The following TRIML2 variants were observed in gnomAD, a reference collection of about 807,000 sequenced individuals.
TRIML2 encodes tripartite motif family like 2, also known as probable E3 ubiquitin-protein ligase TRIML2.
A neutral mutation model predicts 31.2 loss-of-function variants in TRIML2; 28 were observed. That is an observed-to-expected ratio of 0.90 (90% CI 0.66 to 1.23). The LOEUF is 1.23. Ranked by LOEUF, TRIML2 falls within the 50% of genes most tolerant of loss-of-function variation. TRIML2 has a pLI of 0.00. For missense variants in TRIML2, 536 were observed against 528.3 expected (o/e 1.01, Z -0.14); for synonymous variants, 187 against 197.5 (o/e 0.95, Z 0.45).
rs541335376 is a variant in TRIML2 at position 188,098,876 on chromosome 4, C to G, written c.621+159G>C. 1.4e-5 allele frequency: 11 copies of G among 788,344 alleles called. No homozygotes were observed. The African/African-American group carries it at 1.6e-4, about 11-fold the overall frequency. The allele number at this position is 788,344 out of a possible 1,614,324, so 48.8% of individuals were successfully genotyped here. On this transcript the variant is annotated intron_variant, in intron 5 of 7. Coordinates refer to ENST00000682553, the MANE Select transcript of TRIML2 (RefSeq NM_173553.4). ...ACTATCCCACAAAGCTATGACCATT[C>G]CTAAAGCTTTTGGCAGCTGAAAGAA...
chr4:188,109,153 C>G (rs1734144735), intron 1 of TRIML2, 90 bp downstream of exon 1: 1 of 111,888 alleles, frequency 8.9e-6, no homozygotes, highest in Non-Finnish European at 2.2e-5. Context: ...CACACAGATA[C>G]ACACACACAC....
At chr4:188,104,763 T>C in intron 3 of TRIML2, 74 bp downstream of exon 3, 1 of 1,216,284 alleles carries the variant, frequency 8.2e-7, no homozygotes, top group Non-Finnish European at 1.2e-6. Flanking sequence ...CTTTTGACTT[T>C]GTTTATGATA....
chr4:188,099,588 C>CA (rs200928701), intron 4 of TRIML2, among the ~76,000 whole-genome samples: 12,072 of 139,226 alleles, frequency 0.087, 1,010 homozygotes, highest in East Asian at 0.51. Flanking sequence ...AAACCAAAAC[C>CA]AAAAAAAAAA....
At chr4:188,107,486 C>T (rs996719608) in intron 1 of TRIML2, among the ~76,000 whole-genome samples, 1 of 152,110 alleles carries the variant, frequency 6.6e-6, no homozygotes, top group African/African-American at 2.4e-5. Context: ...GCATATTCCC[C>T]ACAAATAGGA....
rs112058466 is a variant in TRIML2, at chr4:188,105,377, G to T, written c.-9C>A. 4,462 of 1,557,686 alleles carry T rather than the reference G, an allele frequency of 2.9e-3. 114 individuals carry two copies. The African/African-American group carries it at 0.053, about 18-fold the overall frequency. On this transcript the variant is annotated 5_prime_UTR_variant, in exon 2 of 8. Coordinates refer to ENST00000682553, the MANE Select transcript of TRIML2 (RefSeq NM_173553.4). Reference sequence around the variant, plus strand: ...CTGAGCCTTTTGGACATCCTGGTAGGGGTCCCTAGTTGAAGACTGGACTGT... The same window carrying T: ...CTGAGCCTTTTGGACATCCTGGTAGTGGTCCCTAGTTGAAGACTGGACTGT...
intron 3 of TRIML2, among the ~76,000 whole-genome samples, chr4:188,101,998 C>T (rs1352144614): frequency 6.6e-6 from 1 of 150,556 alleles, no homozygotes; most frequent in East Asian, 2.0e-4. Context: ...GGCTTGGTGG[C>T]GGGCGCCTGT....
chr4:188,095,838 A>C (rs1483983100), intron 7 of TRIML2, among the ~76,000 whole-genome samples: 1 of 152,232 alleles, frequency 6.6e-6, no homozygotes, highest in Non-Finnish European at 1.5e-5. Flanking sequence ...GTATATTTAT[A>C]CAATGGAATA....
intron 1 of TRIML2, chr4:188,106,550 T>A (rs552231065): frequency 9.1e-5 from 14 of 153,536 alleles, no homozygotes; most frequent in African/African-American, 3.1e-4. Flanking sequence ...CGCGGTTCAG[T>A]CACCAACATG....
chr4:188,106,797 G>A (rs1435700164), intron 1 of TRIML2: 1 of 240,092 alleles, frequency 4.2e-6, no homozygotes, highest in Admixed American at 4.3e-5. Context: ...GAAAGTGACA[G>A]GTCAGACTCT....
At chr4:188,092,560 C>T (rs1579165349) in intron 7 of TRIML2, among the ~76,000 whole-genome samples, 1 of 152,142 alleles carries the variant, frequency 6.6e-6, no homozygotes, top group Admixed American at 6.5e-5. Context: ...TCACTTGGGG[C>T]CCAACCCTGG....
intron 2 of TRIML2, 52 bp downstream of exon 2, chr4:188,105,128 T>C: frequency 1.9e-6 from 3 of 1,563,592 alleles, no homozygotes; most frequent in Middle Eastern, 1.7e-4. Context: ...GTCCATTTCA[T>C]CCATATAGGA....
chr4:188,101,228 T>A lies in TRIML2; in HGVS notation c.308A>T (p.Lys103Met), dbSNP rs1465173796. 2 of 1,611,000 alleles carry A rather than the reference T, an allele frequency of 1.2e-6. No homozygotes were observed. The highest frequency in any genetic ancestry group is 1.3e-5 in the African/African-American group (1 of 74,764). The change falls in exon 4 of 8, where the codon AAG (lysine) becomes ATG (methionine). Residue 103 changes from lysine to methionine, a missense_variant. Lys to Met is a moderately conservative substitution (Grantham distance 95). Transcript: ENST00000682553. ...MIQEEEQNFK[K>M]MIESEYSMRL... is the part of the protein sequence containing the mutation. ...CATACTATACTCAGACTCAATCATC[T>A]TTTTAAAATTTTGTTCCTCTTCCTT...
At position 188,091,628 on chromosome 4, in the gene TRIML2, C is replaced by G; in HGVS notation, c.1059G>C (p.Trp353Cys). 6.2e-7 allele frequency: 1 copy of G among 1,614,044 alleles called. No homozygotes were observed. The highest frequency in any genetic ancestry group is 1.3e-5 in the African/African-American group (1 of 75,034). Residue 353 changes from tryptophan (W) to cysteine (C), a missense_variant, in exon 8 of 8, where the codon TGG (tryptophan) becomes TGC (cysteine). Physicochemically the swap from Trp to Cys is radical, Grantham distance 215. Transcript: ENST00000682553. ...GSVMGTEWTLWVFPPLKRLFL... is the reference protein window; with the variant it reads ...GSVMGTEWTLCVFPPLKRLFL... The stretch of plus-strand genomic sequence containing the variant: ...AGAGCCTTTTCAGAGGGGGGAAGAC[C>G]CAGAGAGTCCACTCGGTCCCCATCA...
intron 7 of TRIML2, among the ~76,000 whole-genome samples, chr4:188,092,444 G>C (rs1733309463): frequency 6.7e-6 from 1 of 149,732 alleles, no homozygotes. Flanking sequence ...CTGGGCGACA[G>C]AGCAAGACTC....
chr4:188,092,909 G>T (rs147943994), intron 7 of TRIML2: 1 of 456,608 alleles, frequency 2.2e-6, no homozygotes, highest in Non-Finnish European at 4.4e-6. Context: ...TTCAGGGCTT[G>T]GTCCTGGGAC....
At chr4:188,106,327 A>T (rs964119970) in intron 1 of TRIML2, among the ~76,000 whole-genome samples, 1 of 152,204 alleles carries the variant, frequency 6.6e-6, no homozygotes, top group Non-Finnish European at 1.5e-5. Flanking sequence ...CTGGGATTCC[A>T]GGCGTGAGCC....
chr4:188,106,762 T>A, intron 1 of TRIML2: 1 of 209,280 alleles, frequency 4.8e-6, no homozygotes, highest in East Asian at 1.2e-4. Context: ...GGAGGCCAAG[T>A]CCGTGGTTCC....
chr4:188,109,532 C>G lies in TRIML2; in HGVS notation c.-512G>C, dbSNP rs2111198403. On this transcript the variant is annotated 5_prime_UTR_variant, in exon 1 of 8. Coordinates refer to ENST00000682553, the MANE Select transcript of TRIML2 (RefSeq NM_173553.4). ...GGCTCAAGCAATCTGCCTGCTTCAGCCTCCCAAAGTACTGGGATTACAGGA... is the reference window on the plus strand; with the variant it reads ...GGCTCAAGCAATCTGCCTGCTTCAGGCTCCCAAAGTACTGGGATTACAGGA... 6.6e-6 allele frequency: 1 copy of G among 152,094 alleles called. No homozygotes were observed. Among genetic ancestry groups the G allele is most frequent in the African/African-American group, 2.4e-5 (1 of 41,500 alleles). 9.4% of individuals were successfully genotyped at this position (152,094 alleles called of 1,614,324 possible).
intron 6 of TRIML2, 43 bp from the exon 7 acceptor site, chr4:188,097,204 GC>G: frequency 1.3e-6 from 2 of 1,597,788 alleles, no homozygotes; most frequent in Admixed American, 1.7e-5. Flanking sequence ...CAGACCACAG[GC>G]CCCTTAGTCT....
Sources: allele counts gnomAD v4.1 joint callset (sites outside exome capture counted in the v4.1 genomes callset), GRCh38; gene constraint gnomAD v4.1.1; transcripts MANE v1.5; gene names NCBI Gene and HGNC (gene_info 2026-07-23, HGNC 2026-07-21).